NCOR1: variants seen among roughly 807,000 people sequenced by gnomAD.
The protein encoded by NCOR1 is protein phosphatase 1, regulatory subunit 109.
A neutral mutation model predicts 288.1 loss-of-function variants in NCOR1; 63 were observed. The observed-to-expected ratio is 0.22, with a 90% CI of 0.18 to 0.27. The LOEUF is 0.27. Ranked by LOEUF, NCOR1 falls within the 10% of genes least tolerant of loss-of-function variation. The pLI, the probability that NCOR1 is intolerant of heterozygous loss-of-function variation, is 1.00. For synonymous variants in NCOR1, 1,007 were observed against 1,065.9 expected, an observed-to-expected ratio of 0.94 and a Z score of 1.08; for missense variants, 2,397 against 3,019.2, an observed-to-expected ratio of 0.79 and a Z score of 4.83.
At chr17:16,151,795 G>A in intron 8 of NCOR1, 151 bp downstream of exon 8, 4 of 874,650 alleles carry the variant, frequency 4.6e-6, no homozygotes, top group Admixed American at 5.3e-5. Flanking sequence ...AGAAGCCAGA[G>A]GAAGATAACA....
At chr17:16,175,768 G>A (rs947181757) in intron 3 of NCOR1, among the ~76,000 whole-genome samples, 1 of 150,932 alleles carries the variant, frequency 6.6e-6, no homozygotes, top group Non-Finnish European at 1.5e-5. Context: ...CCTGTAATCT[G>A]AGCTACTCAG....
chr17:16,061,985 C>CA (rs2152620722), intron 36 of NCOR1, 91 bp from the exon 37 acceptor site: 10 of 1,564,700 alleles, frequency 6.4e-6, no homozygotes, highest in Admixed American at 2.1e-5. Context: ...GCAACAACAA[C>CA]AAAAAAAGCC....
intron 42 of NCOR1, 38 bp downstream of exon 42, chr17:16,046,913 A>G (rs763968525): frequency 6.2e-7 from 1 of 1,608,474 alleles, no homozygotes; most frequent in Non-Finnish European, 8.5e-7. Flanking sequence ...TTATTAATGC[A>G]TGTTTTATTT....
intron 5 of NCOR1, 34 bp from the exon 6 acceptor site, chr17:16,158,907 G>T: frequency 6.9e-7 from 1 of 1,450,238 alleles, no homozygotes. Flanking sequence ...TCAAGCATGT[G>T]CTGCACACCA....
At chr17:16,210,844 C>T (rs2153620045) in intron 1 of NCOR1, among the ~76,000 whole-genome samples, 1 of 152,176 alleles carries the variant, frequency 6.6e-6, no homozygotes, top group Non-Finnish European at 1.5e-5. Context: ...ATTCTCCTGC[C>T]TCAGCCTCCC....
At chr17:16,051,699 G>A (rs1026986797) in intron 40 of NCOR1, among the ~76,000 whole-genome samples, 5 of 152,062 alleles carry the variant, frequency 3.3e-5, no homozygotes, top group African/African-American at 9.7e-5. Context: ...ATCACCGGAG[G>A]TCGGGAGTTT....
At chr17:16,049,139 T>C (rs1040793075) in intron 40 of NCOR1, 151 bp from the exon 41 acceptor site, 4 of 616,324 alleles carry the variant, frequency 6.5e-6, no homozygotes, top group African/African-American at 1.9e-5. Context: ...GTATTCACTA[T>C]ATACATAGTT....
chr17:16,183,363 TA>T (rs150925370), intron 3 of NCOR1, among the ~76,000 whole-genome samples: 130 of 144,870 alleles, frequency 9.0e-4, no homozygotes, highest in Middle Eastern at 7.1e-3. Context: ...TTCTACACAT[TA>T]AAAAAAAAAA....
chr17:16,120,972 G>A, intron 16 of NCOR1, 80 bp downstream of exon 16: 2 of 1,279,710 alleles, frequency 1.6e-6, no homozygotes, highest in South Asian at 3.0e-5. Flanking sequence ...AATATTAAAA[G>A]TCCTTTCTAC....
chr17:16,062,210 A>C lies in NCOR1; in HGVS notation c.5282T>G (p.Val1761Gly). Residue 1761 changes from valine (V) to glycine (G), a missense_variant, in exon 36 of 46, where the codon GTA (valine) becomes GGA (glycine). Val to Gly is a moderately radical substitution (Grantham distance 109, BLOSUM62 -3). Coordinates refer to ENST00000268712, the MANE Select transcript of NCOR1 (RefSeq NM_006311.4). Reference sequence around the variant, plus strand: ...TTGCAACATGGTCTCCTGAGTTCTTACTGAAGGGGAAGGGGAGCGAACATA... The same window carrying C: ...TTGCAACATGGTCTCCTGAGTTCTTCCTGAAGGGGAAGGGGAGCGAACATA... Reference protein sequence around the residue: ...HGYVRSPSPSVRTQETMLQQR... With the variant: ...HGYVRSPSPSGRTQETMLQQR... The C allele has an allele frequency of 6.2e-7, 1 of 1,613,908 alleles. No homozygotes were observed. Among genetic ancestry groups the C allele is most frequent in the East Asian group, 2.2e-5 (1 of 44,874 alleles).
chr17:16,206,586 A>T (rs748492057), intron 1 of NCOR1, among the ~76,000 whole-genome samples: 1 of 152,130 alleles, frequency 6.6e-6, no homozygotes, highest in Non-Finnish European at 1.5e-5. Context: ...GGGTTTCACC[A>T]TGTTGGCCAG....
intron 27 of NCOR1, among the ~76,000 whole-genome samples, chr17:16,074,262 T>C (rs2062114909): frequency 1.3e-5 from 2 of 152,052 alleles, no homozygotes; most frequent in Non-Finnish European, 2.9e-5. Flanking sequence ...TCCAGGGTGA[T>C]GGAAAAATCA....
intron 42 of NCOR1, among the ~76,000 whole-genome samples, chr17:16,041,538 C>T (rs918407709): frequency 9.3e-5 from 14 of 150,634 alleles, no homozygotes; most frequent in African/African-American, 2.7e-4. Flanking sequence ...CTCAGCCTCC[C>T]GAGCAGCTGG....
chr17:16,029,186 A>T lies in NCOR1; in HGVS notation c.*3110T>A, dbSNP rs906219868. 7 of 453,304 alleles carry T rather than the reference A, an allele frequency of 1.5e-5. No individual in the cohort carries two copies. The highest frequency in any genetic ancestry group is 6.9e-5 in the East Asian group (1 of 14,406). The allele number at this position is 453,304 out of a possible 1,614,324, so 28.1% of individuals were successfully genotyped here. ...TCATTCCAAGTTTTATTTATTTATTAATTTTAAATCATCCACAGTGACTCA... is the reference window on the plus strand; with the variant it reads ...TCATTCCAAGTTTTATTTATTTATTTATTTTAAATCATCCACAGTGACTCA... On this transcript the variant is annotated 3_prime_UTR_variant, in exon 46 of 46. Transcript: ENST00000268712.
intron 10 of NCOR1, among the ~76,000 whole-genome samples, 155 bp from the exon 11 acceptor site, chr17:16,143,851 T>C (rs555863897): frequency 7.7e-6 from 1 of 129,824 alleles, no homozygotes; most frequent in African/African-American, 2.6e-5. Flanking sequence ...TTAAGTAATA[T>C]GCTGTGTCAC....
intron 12 of NCOR1, 30 bp from the exon 13 acceptor site, chr17:16,138,242 T>C: frequency 5.7e-6 from 9 of 1,573,390 alleles, no homozygotes; most frequent in Non-Finnish European, 7.8e-6. Flanking sequence ...AAAACACACT[T>C]GCGTACAAAT....
intron 4 of NCOR1, among the ~76,000 whole-genome samples, chr17:16,166,289 T>A (rs547398661): frequency 0.016 from 2,468 of 152,332 alleles, 62 homozygotes; most frequent in African/African-American, 0.056. Flanking sequence ...ACAGTCAATC[T>A]TTGGCAGCTT....
chr17:16,205,679 T>A (rs1210402377), intron 1 of NCOR1, among the ~76,000 whole-genome samples: 1 of 149,320 alleles, frequency 6.7e-6, no homozygotes, highest in Non-Finnish European at 1.5e-5. Flanking sequence ...GGCTCATGCC[T>A]GTAATCCCAG....
At chr17:16,146,316 AAAAG>A in intron 10 of NCOR1, 56 bp downstream of exon 10, 2 of 1,496,982 alleles carry the variant, frequency 1.3e-6, no homozygotes, top group Non-Finnish European at 1.8e-6. Flanking sequence ...ATTTTTAAAA[AAAAG>A]AAACAATAAA....
Sources: allele counts gnomAD v4.1 joint callset (sites outside exome capture counted in the v4.1 genomes callset), GRCh38; gene constraint gnomAD v4.1.1; transcripts MANE v1.5; gene names NCBI Gene and HGNC (gene_info 2026-07-23, HGNC 2026-07-21).